Variants in CPA6 observed in about 807,000 individuals in gnomAD.
CPA6 encodes the protein carboxypeptidase B.
Under a neutral mutation model 63.3 loss-of-function variants are expected in CPA6, and 58 were observed. The observed-to-expected ratio is 0.92, with a 90% confidence interval of 0.74 to 1.14. The LOEUF (loss-of-function observed/expected upper bound fraction) is 1.14, where lower values mean the gene tolerates loss of function less well. CPA6 is among the 50% of genes most tolerant of loss of function. The pLI is 0.00. For missense variants in CPA6, 565 were observed against 526.6 expected (o/e 1.07, Z -0.71); for synonymous variants, 185 against 179.0 (o/e 1.03, Z -0.27).
intron 2 of CPA6, among the ~76,000 whole-genome samples, chr8:67,532,909 T>C (rs1211954661): frequency 6.6e-6 from 1 of 152,154 alleles, no homozygotes; most frequent in Non-Finnish European, 1.5e-5. Flanking sequence ...AAGGGACATT[T>C]GAAAGTTTTT....
intron 2 of CPA6, among the ~76,000 whole-genome samples, chr8:67,614,191 T>C (rs1814883085): frequency 6.6e-6 from 1 of 152,194 alleles, no homozygotes; most frequent in African/African-American, 2.4e-5. Context: ...GACACTACCA[T>C]GGGCTGGAGC....
At chr8:67,578,446 T>G (rs145247307) in intron 2 of CPA6, among the ~76,000 whole-genome samples, 23 of 152,300 alleles carry the variant, frequency 1.5e-4, no homozygotes, top group African/African-American at 5.1e-4. Flanking sequence ...TCTTGGCTAT[T>G]GGTTTGAATT....
chr8:67,543,424 T>C (rs1411344078), intron 2 of CPA6, among the ~76,000 whole-genome samples: 1 of 152,222 alleles, frequency 6.6e-6, no homozygotes, highest in Non-Finnish European at 1.5e-5. Flanking sequence ...CTTTTTAATA[T>C]AGCTTCAGAT....
chr8:67,536,119 T>G (rs2128969809), intron 2 of CPA6, among the ~76,000 whole-genome samples: 1 of 152,318 alleles, frequency 6.6e-6, no homozygotes, highest in African/African-American at 2.4e-5. Flanking sequence ...TGGTTTGAAG[T>G]CAGGTAGCGT....
intron 2 of CPA6, among the ~76,000 whole-genome samples, chr8:67,563,591 G>C (rs143797055): frequency 5.3e-5 from 8 of 152,266 alleles, no homozygotes; most frequent in African/African-American, 1.9e-4. Flanking sequence ...TAGGGAGAAG[G>C]AATCTCATAT....
At chr8:67,616,617 A>G (rs1814959731) in intron 2 of CPA6, among the ~76,000 whole-genome samples, 1 of 151,778 alleles carries the variant, frequency 6.6e-6, no homozygotes, top group Admixed American at 6.6e-5. Context: ...TCTCTTGTAC[A>G]TACCTTACCA....
chr8:67,543,083 G>A (rs542889820), intron 2 of CPA6, among the ~76,000 whole-genome samples: 1 of 152,164 alleles, frequency 6.6e-6, no homozygotes, highest in East Asian at 1.9e-4. Context: ...TTAGTATTCT[G>A]TCACAGGTTT....
intron 1 of CPA6, among the ~76,000 whole-genome samples, chr8:67,736,317 C>G (rs572554755): frequency 6.6e-6 from 1 of 152,200 alleles, no homozygotes; most frequent in Non-Finnish European, 1.5e-5. Flanking sequence ...CCCTCACCCC[C>G]ACTTCATGGA....
chr8:67,613,693 G>A (rs1814868090), intron 2 of CPA6, among the ~76,000 whole-genome samples: 1 of 152,168 alleles, frequency 6.6e-6, no homozygotes, highest in Non-Finnish European at 1.5e-5. Context: ...GGGTAGAAGA[G>A]GGCAGTTCCT....
chr8:67,462,368 T>C (rs898806408), intron 8 of CPA6, among the ~76,000 whole-genome samples: 3 of 152,242 alleles, frequency 2.0e-5, no homozygotes, highest in African/African-American at 7.2e-5. Context: ...TGGCTAAATA[T>C]AGTATTTTAC....
At chr8:67,611,706 T>C (rs1194140121) in intron 2 of CPA6, among the ~76,000 whole-genome samples, 1 of 152,220 alleles carries the variant, frequency 6.6e-6, no homozygotes, top group Non-Finnish European at 1.5e-5. Flanking sequence ...AGTTCTCATA[T>C]GCTTTTTTCT....
At chr8:67,570,698 A>G (rs1051571471) in intron 2 of CPA6, among the ~76,000 whole-genome samples, 1 of 152,188 alleles carries the variant, frequency 6.6e-6, no homozygotes, top group Non-Finnish European at 1.5e-5. Context: ...AGAGATAGAA[A>G]AAACAAAATT....
intron 2 of CPA6, among the ~76,000 whole-genome samples, chr8:67,571,755 A>G (rs983450200): frequency 6.6e-6 from 1 of 152,180 alleles, no homozygotes; most frequent in Admixed American, 6.5e-5. Context: ...GTTTGCAAAT[A>G]AACAATCTAA....
chr8:67,578,400 C>T (rs1813680369), intron 2 of CPA6, among the ~76,000 whole-genome samples: 1 of 152,214 alleles, frequency 6.6e-6, no homozygotes, highest in Non-Finnish European at 1.5e-5. Context: ...CCTTCCCAAC[C>T]CATGACTTTT....
chr8:67,607,246 CT>C (rs1564021515), intron 2 of CPA6, among the ~76,000 whole-genome samples: 90 of 115,482 alleles, frequency 7.8e-4, no homozygotes, highest in East Asian at 1.8e-3. Flanking sequence ...TCTTCTTCTT[CT>C]TCTTCTCCTC....
intron 1 of CPA6, among the ~76,000 whole-genome samples, chr8:67,732,137 A>G (rs1301706730): frequency 6.6e-6 from 1 of 152,194 alleles, no homozygotes; most frequent in Non-Finnish European, 1.5e-5. Flanking sequence ...TCTGAGGCCA[A>G]CTTTGGATAA....
At chr8:67,577,836 C>T (rs1813665852) in intron 2 of CPA6, among the ~76,000 whole-genome samples, 1 of 152,162 alleles carries the variant, frequency 6.6e-6, no homozygotes, top group South Asian at 2.1e-4. Context: ...TGACCTCAGG[C>T]CTCTTGCTGA....
chr8:67,544,085 G>A (rs1812763520), intron 2 of CPA6, among the ~76,000 whole-genome samples: 2 of 152,150 alleles, frequency 1.3e-5, no homozygotes, highest in Admixed American at 6.5e-5. Context: ...ACGGCATCCA[G>A]CCTCCACTAT....
At chr8:67,447,875 C>A (rs1810465351) in intron 8 of CPA6, among the ~76,000 whole-genome samples, 1 of 152,174 alleles carries the variant, frequency 6.6e-6, no homozygotes, top group Non-Finnish European at 1.5e-5. Flanking sequence ...ACCACTACCT[C>A]CCAGGTTCAA....
Sources: allele counts gnomAD v4.1 joint callset (sites outside exome capture counted in the v4.1 genomes callset), GRCh38; gene constraint gnomAD v4.1.1; transcripts MANE v1.5; gene names NCBI Gene and HGNC (gene_info 2026-07-23, HGNC 2026-07-21).